The following PDE4D variants were observed in gnomAD, a reference collection of about 807,000 sequenced individuals.
PDE4D encodes the protein 3',5'-cyclic-AMP phosphodiesterase 4D.
A neutral mutation model predicts 87.4 loss-of-function variants in PDE4D; 24 were observed. That is an observed-to-expected ratio of 0.27 (90% CI 0.20 to 0.39). The LOEUF is 0.39. Among genes scored for constraint, PDE4D ranks in the 10% least tolerant of loss-of-function variants. The pLI, the probability that PDE4D is intolerant of heterozygous loss-of-function variation, is 1.00. For missense variants in PDE4D, 714 were observed against 1,041.0 expected, an observed-to-expected ratio of 0.69 and a Z score of 4.32; for synonymous variants, 384 against 383.2, an observed-to-expected ratio of 1.00 and a Z score of -0.02.
intron 2 of PDE4D, among the ~76,000 whole-genome samples, chr5:60,150,604 T>C (rs1189662071): frequency 6.6e-6 from 1 of 152,176 alleles, no homozygotes; most frequent in Non-Finnish European, 1.5e-5. Flanking sequence ...TAAATAGCCA[T>C]TTCTGTTCTG....
intron 5 of PDE4D, among the ~76,000 whole-genome samples, chr5:59,100,134 C>A (rs994712367): frequency 6.6e-6 from 1 of 152,222 alleles, no homozygotes; most frequent in Non-Finnish European, 1.5e-5. Context: ...TTCTTTCACC[C>A]CTACTCACAA....
At chr5:59,704,051 C>T (rs183031866) in intron 1 of PDE4D, among the ~76,000 whole-genome samples, 213 of 151,990 alleles carry the variant, frequency 1.4e-3, no homozygotes, top group African/African-American at 5.0e-3. Flanking sequence ...ACCTCCAGCT[C>T]GAAAAATTTG....
intron 1 of PDE4D, among the ~76,000 whole-genome samples, chr5:59,790,292 T>G (rs1765642669): frequency 6.6e-6 from 1 of 152,228 alleles, no homozygotes; most frequent in South Asian, 2.1e-4. Context: ...CCACTCACTC[T>G]TATTTTGGAA....
chr5:60,049,924 C>A (rs530511195), intron 2 of PDE4D, among the ~76,000 whole-genome samples: 1 of 152,184 alleles, frequency 6.6e-6, no homozygotes, highest in South Asian at 2.1e-4. Context: ...GCTTTGTTTA[C>A]GTAAGCAAGC....
chr5:59,144,115 C>A (rs1027273537), intron 5 of PDE4D, among the ~76,000 whole-genome samples: 1 of 152,174 alleles, frequency 6.6e-6, no homozygotes, highest in African/African-American at 2.4e-5. Flanking sequence ...GGAGCAACAT[C>A]TTTTATGACT....
chr5:59,818,025 G>A (rs756379858), intron 1 of PDE4D, among the ~76,000 whole-genome samples: 1 of 152,194 alleles, frequency 6.6e-6, no homozygotes, highest in Non-Finnish European at 1.5e-5. Flanking sequence ...AGGTGGTTAG[G>A]GAGACACTCT....
chr5:59,953,853 C>G (rs765540233), intron 3 of PDE4D, among the ~76,000 whole-genome samples: 1 of 152,170 alleles, frequency 6.6e-6, no homozygotes, highest in Non-Finnish European at 1.5e-5. Context: ...AGGAGTTACT[C>G]TACAGTCATA....
intron 6 of PDE4D, chr5:58,999,397 C>T (rs907972389): frequency 1.9e-6 from 1 of 539,486 alleles, no homozygotes; most frequent in Non-Finnish European, 3.2e-6. Context: ...GAATACATAA[C>T]TGATAGTTTG....
chr5:59,998,729 A>G (rs1314481498), intron 2 of PDE4D, among the ~76,000 whole-genome samples: 1 of 152,152 alleles, frequency 6.6e-6, no homozygotes, highest in Admixed American at 6.6e-5. Context: ...ATAAAATTTT[A>G]CCATGAAGCC....
chr5:60,111,118 A>G (rs1221260334), intron 2 of PDE4D, among the ~76,000 whole-genome samples: 3 of 152,022 alleles, frequency 2.0e-5, no homozygotes, highest in Non-Finnish European at 4.4e-5. Flanking sequence ...ATGGTTAGCT[A>G]TAATCCATTG....
chr5:59,618,229 G>T (rs746498085), intron 1 of PDE4D, among the ~76,000 whole-genome samples: 4 of 152,126 alleles, frequency 2.6e-5, no homozygotes, highest in Non-Finnish European at 5.9e-5. Context: ...CCATTCTACA[G>T]GTTTAGGCAG....
intron 1 of PDE4D, among the ~76,000 whole-genome samples, chr5:59,831,517 G>A (rs1561733127): frequency 6.6e-6 from 1 of 152,012 alleles, no homozygotes; most frequent in South Asian, 2.1e-4. Flanking sequence ...GCTGTCTCCT[G>A]TAATCACTGC....
intron 5 of PDE4D, among the ~76,000 whole-genome samples, chr5:59,127,010 C>T (rs1033535751): frequency 3.3e-5 from 5 of 152,196 alleles, no homozygotes; most frequent in South Asian, 4.1e-4. Flanking sequence ...TCAAAGACTT[C>T]GTAACCTCCA....
In PDE4D at chr5:60,210,356, T is replaced by TA. The variant is rs1554185866; in HGVS notation, c.-89-24670_-89-24669insT. On this transcript the variant is annotated intron_variant, in intron 1 of 16. Coordinates refer to the PDE4D transcript ENST00000502484. ...AAGAGATGTCTCATTTGTTTTTTTT[T>TA]TAAAAAAACAACTTTTAAAACCACA... 6.9e-3 allele frequency among the ~76,000 whole-genome samples: 1,047 copies of TA among 151,836 alleles called. 8 individuals are homozygous for TA. The highest frequency in any genetic ancestry group is 0.023 in the African/African-American group (936 of 41,414).
intron 1 of PDE4D, among the ~76,000 whole-genome samples, chr5:59,443,310 C>A (rs181278705): frequency 5.9e-5 from 9 of 152,260 alleles, no homozygotes; most frequent in African/African-American, 2.2e-4. Flanking sequence ...ATTTGACAAT[C>A]TGATCATTTT....
intron 1 of PDE4D, among the ~76,000 whole-genome samples, chr5:59,304,009 T>C (rs1262801648): frequency 1.3e-5 from 2 of 152,182 alleles, no homozygotes; most frequent in African/African-American, 2.4e-5. Context: ...ATATTGATTC[T>C]ACCCATCCAT....
chr5:60,317,121 CT>C (rs1562317023), intron 1 of PDE4D, among the ~76,000 whole-genome samples: 1 of 152,078 alleles, frequency 6.6e-6, no homozygotes, highest in African/African-American at 2.4e-5. Flanking sequence ...TGGTCCTGGA[CT>C]TTTTTTGGTT....
chr5:60,143,858 T>C (rs1780772410), intron 2 of PDE4D, among the ~76,000 whole-genome samples: 1 of 152,106 alleles, frequency 6.6e-6, no homozygotes, highest in Admixed American at 6.6e-5. Flanking sequence ...TAATATTAAA[T>C]ATGATAAAAG....
At chr5:58,993,888 A>G (rs1476667951) in intron 6 of PDE4D, among the ~76,000 whole-genome samples, 1 of 152,158 alleles carries the variant, frequency 6.6e-6, no homozygotes, top group Non-Finnish European at 1.5e-5. Flanking sequence ...AGTTATTTAG[A>G]GAAGAGAGAA....
Sources: allele counts gnomAD v4.1 joint callset (sites outside exome capture counted in the v4.1 genomes callset), GRCh38; gene constraint gnomAD v4.1.1; transcripts MANE v1.5; gene names NCBI Gene and HGNC (gene_info 2026-07-23, HGNC 2026-07-21).